HK1: variants seen among roughly 807,000 people sequenced by gnomAD.
The protein encoded by HK1 is hexokinase 1.
Under a neutral mutation model 91.6 loss-of-function variants are expected in HK1, and 28 were observed. That is an observed-to-expected ratio of 0.31 (90% confidence interval 0.23 to 0.42). The LOEUF (loss-of-function observed/expected upper bound fraction) is 0.42. Among genes scored for constraint, HK1 ranks in the 10% least tolerant of loss-of-function variants. HK1 has a pLI of 1.00. For missense variants in HK1, 770 were observed against 1,219.8 expected (o/e 0.63, Z 5.49); for synonymous variants, 430 against 468.1 (o/e 0.92, Z 1.05).
At chr10:69,368,820 G>A (rs1849840225) in intron 5 of HK1, among the ~76,000 whole-genome samples, 189 bp downstream of exon 5, 1 of 152,174 alleles carries the variant, frequency 6.6e-6, no homozygotes, top group South Asian at 2.1e-4. Context: ...GCTCTCGGAG[G>A]TGCTGCCTGG....
chr10:69,362,434 GT>G (rs34834335), intron 3 of HK1, among the ~76,000 whole-genome samples: 11,570 of 135,302 alleles, frequency 0.086, 760 homozygotes, highest in African/African-American at 0.19. Flanking sequence ...AGAAAATAAT[GT>G]TTTTTTTTTT....
intron 2 of HK1, among the ~76,000 whole-genome samples, chr10:69,355,915 A>C (rs1187216645): frequency 6.6e-6 from 1 of 152,212 alleles, no homozygotes; most frequent in Non-Finnish European, 1.5e-5. Context: ...GTGCTGGGAC[A>C]CTGGATATCC....
intron 10 of HK1, among the ~76,000 whole-genome samples, chr10:69,383,502 TACC>T (rs1327230118): frequency 6.6e-6 from 1 of 152,240 alleles, no homozygotes; most frequent in African/African-American, 2.4e-5. Context: ...AGTTACCTAA[TACC>T]ACATTATAAG....
intron 1 of HK1, 25 bp downstream of exon 1, chr10:69,319,035 T>C: frequency 3.8e-6 from 6 of 1,586,542 alleles, no homozygotes; most frequent in Non-Finnish European, 5.1e-6. Flanking sequence ...GCGCCGCCGC[T>C]GGTCCTGGCC....
chr10:69,381,698 C>T lies in HK1; in HGVS notation c.1266-789C>T, dbSNP rs542126089. ...CCTCCCGAGTAGCTGGAATTACAGGCATCTGCCACCATACCCAGCTAATTT... is the reference window on the plus strand; with the variant it reads ...CCTCCCGAGTAGCTGGAATTACAGGTATCTGCCACCATACCCAGCTAATTT... On this transcript the variant is annotated intron_variant, in intron 9 of 17. Coordinates refer to ENST00000359426, the MANE Select transcript of HK1 (RefSeq NM_000188.3). 8.5e-5 allele frequency among the ~76,000 whole-genome samples: 13 copies of T among 152,226 alleles called. No individual in the cohort carries two copies. In the South Asian group the frequency reaches 2.5e-3, roughly 29 times the overall value.
chr10:69,369,605 C>T lies in HK1; in HGVS notation c.856C>T (p.Leu286Phe), dbSNP rs1230841200. 1.2e-6 allele frequency: 2 copies of T among 1,614,120 alleles called. No homozygotes were observed. Among genetic ancestry groups the T allele is most frequent in the East Asian group, 2.2e-5 (1 of 44,880 alleles). The change falls in exon 7 of 18, where the codon CTC (leucine) becomes TTC (phenylalanine). Residue 286 changes from leucine to phenylalanine, a missense_variant. Leu to Phe is a conservative substitution (Grantham distance 22, BLOSUM62 0). Coordinates refer to ENST00000359426, the MANE Select transcript of HK1 (RefSeq NM_000188.3). The surrounding 1 kb of genome is among the most constrained non-coding windows in gnomAD (Gnocchi z 4.4). Reference sequence around the variant, plus strand: ...TGACAGGGAGATAGACCGGGGATCCCTCAACCCTGGAAAACAGCTGTGAGT... The same window carrying T: ...TGACAGGGAGATAGACCGGGGATCCTTCAACCCTGGAAAACAGCTGTGAGT... ...EFDREIDRGS[L>F]NPGKQLFEKM...
At chr10:69,325,526 A>ATT (rs766090878) in intron 1 of HK1, among the ~76,000 whole-genome samples, 22 of 125,916 alleles carry the variant, frequency 1.7e-4, no homozygotes, top group Non-Finnish European at 2.9e-4. Flanking sequence ...CCTGGCCTGC[A>ATT]TTTTTTTTTT....
At chr10:69,324,936 C>G (rs957551698) in intron 1 of HK1, among the ~76,000 whole-genome samples, 1 of 151,402 alleles carries the variant, frequency 6.6e-6, no homozygotes, top group Non-Finnish European at 1.5e-5. Context: ...TTTGATTGGT[C>G]TTGATTTCTG....
At position 69,382,698 on chromosome 10, in the gene HK1, G is replaced by T; in HGVS notation, c.1477G>T (p.Ala493Ser). 2 of 1,613,690 alleles carry T rather than the reference G, an allele frequency of 1.2e-6. No homozygotes were observed. The highest frequency in any genetic ancestry group is 2.2e-5 in the South Asian group (2 of 90,884). Residue 493 changes from alanine (A) to serine (S), a missense_variant, in exon 10 of 18, where the codon GCC becomes TCC. By Grantham distance (99) the Ala-to-Ser change is moderately conservative (BLOSUM62 1). Around this residue, in one of 7 missense-constraint regions of HK1, gnomAD observed 449 missense variants for 665.1 expected, o/e 0.68. Transcript: ENST00000359426. The part of the protein sequence containing the change: ...MLLEVKKRMR[A>S]EMELGLRKQT... ...GCTGGAGGTGAAGAAGAGGATGCGGGCCGAGATGGAGCTGGGGCTGAGGAA... is the reference window on the plus strand; with the variant it reads ...GCTGGAGGTGAAGAAGAGGATGCGGTCCGAGATGGAGCTGGGGCTGAGGAA...
rs575656877 is a variant in HK1, at chr10:69,308,583, C to T, written c.27+7722C>T. Reference sequence around the variant, plus strand: ...GCCTGGACTCTATAGATAACATAAACGGTTAGGTCAGGGGTCGATCTGTAA... The same window carrying T: ...GCCTGGACTCTATAGATAACATAAATGGTTAGGTCAGGGGTCGATCTGTAA... On this transcript the variant is annotated intron_variant, in intron 5 of 21. Coordinates refer to the HK1 transcript ENST00000360289. Among the ~76,000 whole-genome samples the T allele has an allele frequency of 7.2e-5, 11 of 152,140 alleles. No homozygotes were observed. The South Asian group carries it at 1.5e-3, about 20-fold the overall frequency.
intron 1 of HK1, among the ~76,000 whole-genome samples, chr10:69,341,923 G>A (rs942678687): frequency 1.7e-4 from 26 of 152,004 alleles, no homozygotes; most frequent in African/African-American, 6.3e-4. Context: ...CTAGGTGGGT[G>A]GATCACTTGA....
chr10:69,398,514 G>T, intron 16 of HK1, 81 bp from the exon 17 acceptor site: 1 of 982,704 alleles, frequency 1.0e-6, no homozygotes. Flanking sequence ...ATTGGGGGCG[G>T]GGGGCGTCCT....
intron 1 of HK1, among the ~76,000 whole-genome samples, chr10:69,326,099 G>A (rs1453023695): frequency 6.7e-6 from 1 of 150,046 alleles, no homozygotes; most frequent in African/African-American, 2.5e-5. Flanking sequence ...CTCCCAAAGT[G>A]TTGGGATTAC....
intron 1 of HK1, among the ~76,000 whole-genome samples, chr10:69,326,878 G>A (rs1847407723): frequency 6.6e-6 from 1 of 151,890 alleles, no homozygotes. Context: ...TATTACATAT[G>A]CATATGTCTA....
intron 1 of HK1, among the ~76,000 whole-genome samples, chr10:69,336,934 C>T (rs1057401832): frequency 1.3e-5 from 2 of 151,948 alleles, no homozygotes; most frequent in East Asian, 1.9e-4. Context: ...CGTGAGCCAC[C>T]GTGCCTGGCC....
chr10:69,346,113 C>G (rs1297870297), intron 2 of HK1, among the ~76,000 whole-genome samples: 1 of 151,928 alleles, frequency 6.6e-6, no homozygotes, highest in Non-Finnish European at 1.5e-5. Context: ...TTCACCTCCC[C>G]CTGCCTCTTG....
chr10:69,278,020 C>T (rs1046828662), intron 1 of HK1, among the ~76,000 whole-genome samples: 2 of 144,310 alleles, frequency 1.4e-5, no homozygotes, highest in East Asian at 2.1e-4. Context: ...GCAACAACAG[C>T]GAGACTCCGT....
chr10:69,311,913 G>A (rs187421845), upstream of HK1, among the ~76,000 whole-genome samples: 17 of 152,310 alleles, frequency 1.1e-4, no homozygotes, highest in African/African-American at 4.1e-4. Context: ...GGGATTATAG[G>A]CGTGAGCCAC....
chr10:69,363,131 C>CT (rs1849520965), intron 3 of HK1, among the ~76,000 whole-genome samples: 1 of 152,188 alleles, frequency 6.6e-6, no homozygotes, highest in Non-Finnish European at 1.5e-5. Context: ...TATGGTTTGG[C>CT]TCTCCTAAGA....
Sources: gnomAD v4.1 joint callset for allele counts (sites outside exome capture counted in the v4.1 genomes callset) on GRCh38, gnomAD v4.1.1 for gene constraint, gnomAD v4.1.1 regional missense constraint, Gnocchi (gnomAD v3.1) non-coding constraint, MANE v1.5 for transcripts, NCBI Gene and HGNC (gene_info 2026-07-23, HGNC 2026-07-21) for gene names.